Variants in XKR4 observed in about 807,000 individuals in gnomAD.
XKR4 encodes the protein XK-related protein 4.
A neutral mutation model predicts 53.9 loss-of-function variants in XKR4; 12 were observed. The ratio of observed to expected loss-of-function variants is 0.22; its 90% CI spans 0.14 to 0.36. The LOEUF (loss-of-function observed/expected upper bound fraction) is 0.36. Ranked by LOEUF, XKR4 falls within the 10% of genes least tolerant of loss-of-function variation. The pLI is 1.00. For synonymous variants in XKR4, 354 were observed against 362.4 expected (o/e 0.98, Z 0.26); for missense variants, 799 against 859.5 (o/e 0.93, Z 0.88).
At chr8:55,407,195 G>A (rs1163337039) in intron 2 of XKR4, among the ~76,000 whole-genome samples, 3 of 151,994 alleles carry the variant, frequency 2.0e-5, no homozygotes, top group East Asian at 1.9e-4. Context: ...GCAGCCTCCC[G>A]ACACAGGCCA....
chr8:55,349,331 C>T (rs944649941), intron 1 of XKR4, among the ~76,000 whole-genome samples: 2 of 152,110 alleles, frequency 1.3e-5, no homozygotes, highest in African/African-American at 2.4e-5. Context: ...ACCATCTGAG[C>T]GTTTTTGCTA....
rs1289173013 is a variant in XKR4, at chr8:55,526,122, T to G, written c.*1895T>G. The G allele has an allele frequency of 6.6e-6, 1 of 152,634 alleles. No individual in the cohort carries two copies. The highest frequency in any genetic ancestry group is 1.5e-5 in the Non-Finnish European group (1 of 68,042). The allele number at this position is 152,634 out of a possible 1,614,324, so 9.5% of individuals were successfully genotyped here. A position where few individuals can be genotyped will look rare whatever the true frequency, so the allele number is the denominator to read the frequency against. ...TTCCCTGGTTTTATATTAACCCAACTGATAGATTAAGTATTAGTCAAACCA... is the reference window on the plus strand; with the variant it reads ...TTCCCTGGTTTTATATTAACCCAACGGATAGATTAAGTATTAGTCAAACCA... On this transcript the variant is annotated 3_prime_UTR_variant, in exon 3 of 3. Transcript: ENST00000327381.
chr8:55,379,061 TG>T (rs966850462), intron 2 of XKR4, among the ~76,000 whole-genome samples: 2 of 152,168 alleles, frequency 1.3e-5, no homozygotes, highest in African/African-American at 4.8e-5. Flanking sequence ...TGAGTAACCC[TG>T]CTGTTCTTTG....
intron 2 of XKR4, among the ~76,000 whole-genome samples, chr8:55,489,977 C>T (rs765852335): frequency 4.6e-5 from 7 of 152,102 alleles, no homozygotes; most frequent in African/African-American, 1.4e-4. Context: ...GTGTTATAAA[C>T]CCCCATGGTA....
intron 2 of XKR4, among the ~76,000 whole-genome samples, chr8:55,484,919 T>C (rs901774547): frequency 1.3e-5 from 2 of 152,244 alleles, no homozygotes; most frequent in Admixed American, 6.5e-5. Context: ...ACTGGGACTA[T>C]ACCATCAGCT....
In XKR4 at chr8:55,367,970, TG is replaced by T. The variant is rs1229089141; in HGVS notation, c.1006+10094del. 3.7e-4 allele frequency among the ~76,000 whole-genome samples: 56 copies of T among 152,262 alleles called. 1 individual carries two copies. Among genetic ancestry groups the T allele is most frequent in the African/African-American group, 1.3e-3 (55 of 41,546 alleles). ...TTGTTTTGTTTTTGTTTTTGTTTTT[TG>T]TTTTTTTGAGACAGAGTCTCACTTT... On this transcript the variant is annotated intron_variant, in intron 2 of 2. Transcript: ENST00000327381.
At chr8:55,520,622 C>A (rs1209323711) in intron 2 of XKR4, among the ~76,000 whole-genome samples, 1 of 152,182 alleles carries the variant, frequency 6.6e-6, no homozygotes, top group Non-Finnish European at 1.5e-5. Flanking sequence ...AAGAGAAATT[C>A]TCATTGCTAA....
intron 1 of XKR4, among the ~76,000 whole-genome samples, chr8:55,263,396 T>G (rs1818555652): frequency 6.6e-6 from 1 of 152,204 alleles, no homozygotes; most frequent in Non-Finnish European, 1.5e-5. Context: ...TTGTCTTCTT[T>G]GTGTGATCTG....
chr8:55,524,348 A>T lies in XKR4; in HGVS notation c.*121A>T. 5.3e-6 allele frequency: 5 copies of T among 950,678 alleles called. No individual in the cohort carries two copies. Among genetic ancestry groups the T allele is most frequent in the Non-Finnish European group, 7.7e-6 (5 of 650,004 alleles). 58.9% of individuals were successfully genotyped at this position (950,678 alleles called of 1,614,324 possible). ...CCGTGAAGTTCCTAGTGGGACCGTC[A>T]TCACCATTATCATTTGATCCTGTCG... On this transcript the variant is annotated 3_prime_UTR_variant, in exon 3 of 3. Coordinates refer to ENST00000327381, the MANE Select transcript of XKR4 (RefSeq NM_052898.2).
At chr8:55,155,302 A>G (rs1224822619) in intron 1 of XKR4, among the ~76,000 whole-genome samples, 2 of 152,214 alleles carry the variant, frequency 1.3e-5, no homozygotes, top group Non-Finnish European at 2.9e-5. Context: ...ATACAACCAC[A>G]TACTCTTCAA....
intron 2 of XKR4, among the ~76,000 whole-genome samples, chr8:55,473,632 C>G (rs1281915185): frequency 6.6e-6 from 1 of 152,086 alleles, no homozygotes; most frequent in Non-Finnish European, 1.5e-5. Context: ...TCAGAGGCAC[C>G]AAAGTACATC....
intron 2 of XKR4, among the ~76,000 whole-genome samples, chr8:55,364,599 C>T (rs1414335381): frequency 2.0e-5 from 3 of 151,932 alleles, no homozygotes; most frequent in Non-Finnish European, 4.4e-5. Flanking sequence ...GTTTGGTTGG[C>T]TGGGTTTTTG....
rs1383705779 is a variant in XKR4, at chr8:55,539,124, T to G, written c.*14897T>G. 6.6e-6 allele frequency: 1 copy of G among 152,240 alleles called. No individual in the cohort carries two copies. The highest frequency in any genetic ancestry group is 1.5e-5 in the Non-Finnish European group (1 of 68,034). The allele number at this position is 152,240 out of a possible 1,614,324, so 9.4% of individuals were successfully genotyped here. A position where few individuals can be genotyped will look rare whatever the true frequency, so the allele number is the denominator to read the frequency against. On this transcript the variant is annotated 3_prime_UTR_variant, in exon 3 of 3. Transcript: ENST00000327381. ...TTTCTTGTACTTAAAAATTTAATCC[T>G]GATAAGAACTAATGTGAAATAACAT... is the stretch of plus-strand genomic sequence containing the variant.
At chr8:55,422,251 T>C (rs867514926) in intron 2 of XKR4, among the ~76,000 whole-genome samples, 1 of 152,250 alleles carries the variant, frequency 6.6e-6, no homozygotes, top group Non-Finnish European at 1.5e-5. Context: ...ATAAAAAATA[T>C]AAAGTTGAAA....
chr8:55,197,891 T>A (rs768756681), intron 1 of XKR4, among the ~76,000 whole-genome samples: 12 of 152,334 alleles, frequency 7.9e-5, no homozygotes, highest in Non-Finnish European at 1.5e-4. Flanking sequence ...AAATTCCTGA[T>A]TAAAATTACA....
intron 1 of XKR4, among the ~76,000 whole-genome samples, chr8:55,322,891 C>G (rs1214123552): frequency 6.6e-6 from 1 of 152,050 alleles, no homozygotes; most frequent in Admixed American, 6.5e-5. Context: ...CATCTTGTTT[C>G]TTTTTCTTGC....
intron 1 of XKR4, among the ~76,000 whole-genome samples, chr8:55,196,947 C>T (rs546171901): frequency 5.9e-5 from 9 of 152,216 alleles, no homozygotes; most frequent in East Asian, 1.9e-4. Context: ...AGAGGACTTC[C>T]GGCTCCTTCA....
intron 2 of XKR4, among the ~76,000 whole-genome samples, chr8:55,362,476 C>G (rs551156055): frequency 6.6e-6 from 1 of 152,232 alleles, no homozygotes; most frequent in African/African-American, 2.4e-5. Context: ...CAGGAGCAGC[C>G]ACTTAGGGGG....
At chr8:55,259,133 C>G (rs545463163) in intron 1 of XKR4, among the ~76,000 whole-genome samples, 2 of 152,282 alleles carry the variant, frequency 1.3e-5, no homozygotes, top group East Asian at 3.9e-4. Flanking sequence ...TTCATACTGG[C>G]CAAGCACTGC....
Sources: gnomAD v4.1 joint callset for allele counts (sites outside exome capture counted in the v4.1 genomes callset) on GRCh38, gnomAD v4.1.1 for gene constraint, MANE v1.5 for transcripts, NCBI Gene and HGNC (gene_info 2026-07-23, HGNC 2026-07-21) for gene names.